Variants in CRADD observed in about 807,000 individuals in gnomAD.
CRADD encodes the protein death domain-containing protein CRADD.
Under a neutral mutation model 15.5 loss-of-function variants are expected in CRADD, and 9 were observed. That is an observed-to-expected ratio of 0.58 (90% CI 0.35 to 1.01). CRADD has a LOEUF of 1.01. CRADD is among the 50% of genes least tolerant of loss of function. The pLI is 0.02. For missense variants in CRADD, 227 were observed against 250.3 expected, an observed-to-expected ratio of 0.91 and a Z score of 0.63; for synonymous variants, 118 against 107.6, an observed-to-expected ratio of 1.10 and a Z score of -0.60.
At chr12:93,786,067 A>G (rs1207103407) in intron 2 of CRADD, among the ~76,000 whole-genome samples, 4 of 152,238 alleles carry the variant, frequency 2.6e-5, no homozygotes, top group Non-Finnish European at 5.9e-5. Context: ...TGCCGGGCCT[A>G]TGAAGACACG....
intron 2 of CRADD, among the ~76,000 whole-genome samples, chr12:93,879,443 G>C (rs1306191553): frequency 6.6e-6 from 1 of 152,118 alleles, no homozygotes; most frequent in African/African-American, 2.4e-5. Flanking sequence ...AATATAAATT[G>C]ATCTGCATTG....
At chr12:93,806,937 A>G (rs1043672613) in intron 2 of CRADD, among the ~76,000 whole-genome samples, 11 of 152,172 alleles carry the variant, frequency 7.2e-5, no homozygotes, top group Non-Finnish European at 1.3e-4. Flanking sequence ...TATATGTACT[A>G]CTTTGTCCTG....
chr12:93,681,930 G>A (rs947609024), intron 2 of CRADD, among the ~76,000 whole-genome samples: 5 of 152,160 alleles, frequency 3.3e-5, no homozygotes. Flanking sequence ...GTGTGTGTGG[G>A]AAGGAAAGGG....
At chr12:93,854,830 G>A (rs577299921), downstream of CRADD, among the ~76,000 whole-genome samples, 3 of 152,162 alleles carry the variant, frequency 2.0e-5, no homozygotes, top group East Asian at 1.9e-4. Flanking sequence ...TGGAATCGCC[G>A]GGCTTAAAGT....
chr12:93,729,465 C>T (rs1956425493), intron 2 of CRADD, among the ~76,000 whole-genome samples: 1 of 151,810 alleles, frequency 6.6e-6, no homozygotes, highest in Non-Finnish European at 1.5e-5. Context: ...AGCATGATAC[C>T]AATAGCAGAA....
intron 2 of CRADD, among the ~76,000 whole-genome samples, chr12:93,720,611 A>C (rs189017414): frequency 8.4e-4 from 128 of 152,308 alleles, no homozygotes; most frequent in African/African-American, 3.0e-3. Context: ...GCACATACAC[A>C]CTAATGATTG....
intron 2 of CRADD, among the ~76,000 whole-genome samples, chr12:93,811,050 GC>G (rs34751959): frequency 0.6 from 90,577 of 151,978 alleles, 27,609 homozygotes; most frequent in African/African-American, 0.7. Context: ...TTTTCCCTTA[GC>G]CCCCCCTCCT....
chr12:93,804,809 C>T (rs1349365146), intron 2 of CRADD, among the ~76,000 whole-genome samples: 1 of 152,070 alleles, frequency 6.6e-6, no homozygotes, highest in Non-Finnish European at 1.5e-5. Context: ...CAGAATCAAA[C>T]ATTGAATGAA....
chr12:93,715,591 T>C (rs951262659), intron 2 of CRADD, among the ~76,000 whole-genome samples: 3 of 152,054 alleles, frequency 2.0e-5, no homozygotes, highest in African/African-American at 7.2e-5. Flanking sequence ...CTGGACAACA[T>C]GGCAAGATTC....
chr12:93,712,497 G>GA (rs1449895602), intron 2 of CRADD, among the ~76,000 whole-genome samples: 1 of 152,164 alleles, frequency 6.6e-6, no homozygotes, highest in Non-Finnish European at 1.5e-5. Context: ...GAACAGGCCA[G>GA]AAAAAACATT....
intron 2 of CRADD, among the ~76,000 whole-genome samples, chr12:93,700,371 A>G (rs1265126910): frequency 6.6e-6 from 1 of 151,882 alleles, no homozygotes; most frequent in Admixed American, 6.6e-5. Context: ...TCCAGCATCC[A>G]TTGTGCCATT....
At chr12:93,698,836 G>T (rs1267609022) in intron 2 of CRADD, among the ~76,000 whole-genome samples, 5 of 152,182 alleles carry the variant, frequency 3.3e-5, no homozygotes, top group Non-Finnish European at 1.5e-5. Context: ...AAATTTCAGT[G>T]TCTATAAATA....
chr12:93,867,630 A>T (rs1345955529), intron 2 of CRADD, among the ~76,000 whole-genome samples: 1 of 152,094 alleles, frequency 6.6e-6, no homozygotes, highest in East Asian at 1.9e-4. Context: ...ATTTACAAAG[A>T]TAAAACTGTC....
chr12:93,732,139 G>GA (rs560657069), intron 2 of CRADD, among the ~76,000 whole-genome samples: 14,070 of 105,566 alleles, frequency 0.13, 976 homozygotes, highest in African/African-American at 0.25. Flanking sequence ...TCCGTCTCAA[G>GA]AAAAAAAAAA....
At chr12:93,876,172 A>G (rs1313999552) in intron 2 of CRADD, among the ~76,000 whole-genome samples, 3 of 152,114 alleles carry the variant, frequency 2.0e-5, no homozygotes, top group African/African-American at 7.2e-5. Flanking sequence ...TTTCCACTGT[A>G]AAGTCTTCTG....
intron 2 of CRADD, among the ~76,000 whole-genome samples, chr12:93,683,541 T>C (rs1239980567): frequency 6.6e-6 from 1 of 152,200 alleles, no homozygotes; most frequent in Non-Finnish European, 1.5e-5. Context: ...GGCTTGATCT[T>C]GTCCTCCCCA....
At chr12:93,784,425 G>C (rs115718031) in intron 2 of CRADD, among the ~76,000 whole-genome samples, 1 of 151,926 alleles carries the variant, frequency 6.6e-6, no homozygotes, top group Admixed American at 6.6e-5. Flanking sequence ...AAGGTTGCAC[G>C]GTTAATAAAT....
At chr12:93,841,832 T>A (rs961081919) in intron 2 of CRADD, among the ~76,000 whole-genome samples, 1 of 151,906 alleles carries the variant, frequency 6.6e-6, no homozygotes, top group Non-Finnish European at 1.5e-5. Context: ...TTCGCTCAGC[T>A]TTTTTTTCTA....
At chr12:93,758,708 A>G (rs1956917901) in intron 2 of CRADD, among the ~76,000 whole-genome samples, 1 of 152,066 alleles carries the variant, frequency 6.6e-6, no homozygotes, top group East Asian at 1.9e-4. Flanking sequence ...TATTAGCTTG[A>G]TTTACGTGAA....
Sources: allele counts gnomAD v4.1 joint callset (sites outside exome capture counted in the v4.1 genomes callset), GRCh38; gene constraint gnomAD v4.1.1; transcripts MANE v1.5; gene names NCBI Gene and HGNC (gene_info 2026-07-23, HGNC 2026-07-21).